The following OLAH variants were observed in gnomAD, a reference collection of about 807,000 sequenced individuals.
The protein encoded by OLAH is S-acyl fatty acid synthase thioesterase, medium chain.
A neutral mutation model predicts 27.8 loss-of-function variants in OLAH; 33 were observed. That is an observed-to-expected ratio of 1.19 (90% CI 0.90 to 1.59). The LOEUF is 1.59. Among genes scored for constraint, OLAH ranks in the 40% most tolerant of loss-of-function variants. The probability of loss-of-function intolerance (pLI) is 0.00; values close to 1 mark genes in which losing one functional copy is unlikely to be tolerated. For missense variants in OLAH, 359 were observed against 310.8 expected (o/e 1.16, Z -1.17); for synonymous variants, 120 against 102.9 (o/e 1.17, Z -1.01).
At chr10:15,068,433 C>T (rs1844508979) in intron 6 of OLAH, among the ~76,000 whole-genome samples, 1 of 152,120 alleles carries the variant, frequency 6.6e-6, no homozygotes, top group African/African-American at 2.4e-5. Context: ...GCTCTTATTG[C>T]CCAGGCTCGA....
chr10:15,046,469 A>C (rs1209306239), intron 1 of OLAH, among the ~76,000 whole-genome samples: 1 of 151,458 alleles, frequency 6.6e-6, no homozygotes, highest in Non-Finnish European at 1.5e-5. Flanking sequence ...CTTGAGATTT[A>C]TTTTATTTTA....
chr10:15,064,394 T>C lies in OLAH; in HGVS notation c.303-9T>C. 6.4e-7 allele frequency: 1 copy of C among 1,551,776 alleles called. No homozygotes were observed. Among genetic ancestry groups the C allele is most frequent in the East Asian group, 2.3e-5 (1 of 43,536 alleles). On this transcript the variant is annotated splice_polypyrimidine_tract_variant and intron_variant, in intron 4 of 7. Transcript: ENST00000378228. ...CAGTTCTTGTCATGTTTTTCTTTGC[T>C]GAATTTAGTATGGGATCCTACATTG... is the stretch of plus-strand genomic sequence containing the variant.
chr10:15,056,796 A>AATTTT (rs752697096), intron 3 of OLAH: 49 of 1,441,300 alleles, frequency 3.4e-5, no homozygotes, highest in Admixed American at 2.0e-4. Flanking sequence ...ATGCTCGGCT[A>AATTTT]ATTTTATTTT....
chr10:15,046,570 C>T (rs963738982), intron 1 of OLAH, among the ~76,000 whole-genome samples: 6 of 151,860 alleles, frequency 4.0e-5, no homozygotes, highest in East Asian at 1.9e-4. Flanking sequence ...CGGGTTCAAG[C>T]GATTCTCCTG....
chr10:15,073,332 T>G lies in OLAH; in HGVS notation c.*103T>G. ...TTCAGATTGGAAATTACACATTTTC[T>G]ACTGTCAGGGAGATTCGTTACATAA... is the stretch of plus-strand genomic sequence containing the variant. On this transcript the variant is annotated 3_prime_UTR_variant, in exon 8 of 8. Coordinates refer to ENST00000378228, the MANE Select transcript of OLAH (RefSeq NM_001039702.3). 1 of 763,046 alleles carries G rather than the reference T, an allele frequency of 1.3e-6. No individual in the cohort carries two copies. Among genetic ancestry groups the G allele is most frequent in the East Asian group, 2.7e-5 (1 of 36,528 alleles). The allele number at this position is 763,046 out of a possible 1,614,324, so 47.3% of individuals were successfully genotyped here.
At chr10:15,065,902 A>C (rs1489281086) in intron 6 of OLAH, 149 bp downstream of exon 6, 2 of 666,948 alleles carry the variant, frequency 3.0e-6, no homozygotes, top group Non-Finnish European at 5.0e-6. Context: ...TGGTATGTAT[A>C]CTGGTTTAGA....
chr10:15,033,575 G>A (rs60807168), intron 1 of OLAH, among the ~76,000 whole-genome samples: 21,186 of 152,048 alleles, frequency 0.14, 1,563 homozygotes, highest in South Asian at 0.26. Context: ...TGCTATAACA[G>A]GTTACCCAAG....
chr10:15,048,151 T>C (rs1171363386), intron 2 of OLAH, among the ~76,000 whole-genome samples: 1 of 152,238 alleles, frequency 6.6e-6, no homozygotes, highest in Non-Finnish European at 1.5e-5. Context: ...AAAAGAACTT[T>C]TCCTAATATC....
At chr10:15,046,925 G>A (rs762922485) in intron 1 of OLAH, among the ~76,000 whole-genome samples, 3 of 152,140 alleles carry the variant, frequency 2.0e-5, no homozygotes, top group Non-Finnish European at 2.9e-5. Context: ...CTGTATATAC[G>A]TGAGCAGTCC....
chr10:15,049,852 C>A, intron 3 of OLAH, 87 bp downstream of exon 3: 2 of 1,285,842 alleles, frequency 1.6e-6, no homozygotes, highest in South Asian at 2.8e-5. Flanking sequence ...CAAGACTTTC[C>A]TTCCTGGTAG....
chr10:15,041,206 CGATAG>C (rs1843913590), upstream of OLAH, among the ~76,000 whole-genome samples: 1 of 152,208 alleles, frequency 6.6e-6, no homozygotes, highest in Admixed American at 6.5e-5. Flanking sequence ...ATCACCAGCA[CGATAG>C]GATACTTTCA....
At chr10:15,038,442 G>GT (rs1193474576) in intron 1 of OLAH, among the ~76,000 whole-genome samples, 2 of 152,162 alleles carry the variant, frequency 1.3e-5, no homozygotes, top group South Asian at 2.1e-4. Flanking sequence ...ATCTCGAATT[G>GT]TAACTCCCAC....
intron 1 of OLAH, among the ~76,000 whole-genome samples, chr10:15,046,153 C>CA (rs1844012646): frequency 6.6e-6 from 1 of 151,986 alleles, no homozygotes; most frequent in African/African-American, 2.4e-5. Flanking sequence ...TGAGACCAGC[C>CA]TGGGCAACAT....
chr10:15,045,003 T>C (rs1422018385), intron 1 of OLAH, among the ~76,000 whole-genome samples: 1 of 152,180 alleles, frequency 6.6e-6, no homozygotes, highest in African/African-American at 2.4e-5. Context: ...GAGTATTGTC[T>C]CTGTCCCACT....
intron 1 of OLAH, 125 bp from the exon 2 acceptor site, chr10:15,047,001 T>C (rs377428451): frequency 2.8e-5 from 9 of 317,546 alleles, no homozygotes; most frequent in Non-Finnish European, 4.7e-5. Context: ...TGACTCCTTA[T>C]CTGAATAACA....
At chr10:15,055,441 T>A (rs1425012567) in intron 3 of OLAH, among the ~76,000 whole-genome samples, 5 of 152,184 alleles carry the variant, frequency 3.3e-5, no homozygotes, top group Admixed American at 6.5e-5. Flanking sequence ...GCTATCAGGA[T>A]TCCCAACACT....
At chr10:15,071,915 A>G (rs1425077141) in intron 7 of OLAH, 38 bp downstream of exon 7, 2 of 1,472,138 alleles carry the variant, frequency 1.4e-6, no homozygotes, top group Non-Finnish European at 9.5e-7. Context: ...GTATTGAAAT[A>G]TATGTTTGAT....
intron 3 of OLAH, among the ~76,000 whole-genome samples, chr10:15,060,167 A>G (rs1422793129): frequency 6.6e-6 from 1 of 151,404 alleles, no homozygotes; most frequent in Admixed American, 6.6e-5. Context: ...TCTACACTTA[A>G]TTTTCTTTTT....
At chr10:15,063,366 A>T (rs941783819) in intron 4 of OLAH, among the ~76,000 whole-genome samples, 1 of 152,150 alleles carries the variant, frequency 6.6e-6, no homozygotes, top group Non-Finnish European at 1.5e-5. Flanking sequence ...CCTGGGCCCA[A>T]GTGATCCACC....
Sources: gnomAD v4.1 joint callset for allele counts (sites outside exome capture counted in the v4.1 genomes callset) on GRCh38, gnomAD v4.1.1 for gene constraint, MANE v1.5 for transcripts, NCBI Gene and HGNC (gene_info 2026-07-23, HGNC 2026-07-21) for gene names.